Variants in ZNF367 observed in about 807,000 individuals in gnomAD.
The protein encoded by ZNF367 is zinc finger protein 367.
In ZNF367, 11 loss-of-function variants were observed where a neutral mutation model predicts 31.8. The observed-to-expected ratio is 0.35, with a 90% CI of 0.22 to 0.57. The LOEUF (loss-of-function observed/expected upper bound fraction) is 0.57. Among genes scored for constraint, ZNF367 ranks in the 20% least tolerant of loss-of-function variants. The pLI, the probability that ZNF367 is intolerant of heterozygous loss-of-function variation, is 0.85. For synonymous variants in ZNF367, 199 were observed against 202.4 expected (o/e 0.98, Z 0.14); for missense variants, 353 against 484.1 (o/e 0.73, Z 2.54).
chr9:96,390,646 G>C (rs139137542), intron 4 of ZNF367, among the ~76,000 whole-genome samples: 1 of 152,064 alleles, frequency 6.6e-6, no homozygotes, highest in African/African-American at 2.4e-5. Context: ...CAGTTTGGGA[G>C]GCCAAGGTGC....
At chr9:96,401,384 G>T (rs930931047) in intron 1 of ZNF367, among the ~76,000 whole-genome samples, 3 of 151,718 alleles carry the variant, frequency 2.0e-5, no homozygotes, top group African/African-American at 7.3e-5. Flanking sequence ...AAATTAGGCC[G>T]GGCACGTGGC....
In ZNF367 at chr9:96,388,322, C is replaced by T. The variant is rs1321865618; in HGVS notation, c.968G>A (p.Arg323Gln). 1.9e-6 allele frequency: 3 copies of T among 1,612,472 alleles called. No individual in the cohort carries two copies. The highest frequency in any genetic ancestry group is 2.2e-5 in the East Asian group (1 of 44,890). Residue 323 changes from arginine to glutamine, a missense_variant, in exon 5 of 5, where the codon CGG becomes CAG. Arg to Gln is a conservative substitution (Grantham distance 43). Coordinates refer to ENST00000375256, the MANE Select transcript of ZNF367 (RefSeq NM_153695.4). ...CAGGCGCTCCCGCTGCTCCTGCAGC[C>T]GGCGCTGGGCCCCTCTCTTCTCGTC... The part of the protein sequence containing the change: ...EDDEKRGAQR[R>Q]LQEQRERLHG...
intron 1 of ZNF367, among the ~76,000 whole-genome samples, chr9:96,415,443 A>G (rs1831808825): frequency 7.1e-6 from 1 of 140,754 alleles, no homozygotes. Flanking sequence ...AGTAATACTC[A>G]GCAATACTAT....
chr9:96,389,536 A>G (rs1267644924), intron 4 of ZNF367, among the ~76,000 whole-genome samples: 1 of 152,020 alleles, frequency 6.6e-6, no homozygotes, highest in Admixed American at 6.6e-5. Context: ...TGTGTAGTTC[A>G]GTTCACAAAG....
intron 1 of ZNF367, among the ~76,000 whole-genome samples, chr9:96,415,133 C>A (rs1236313028): frequency 6.6e-6 from 1 of 151,144 alleles, no homozygotes; most frequent in African/African-American, 2.4e-5. Context: ...CGGCTCACTG[C>A]AAGCTCCGCC....
chr9:96,396,948 T>G (rs1385856359), intron 2 of ZNF367, among the ~76,000 whole-genome samples: 1 of 152,206 alleles, frequency 6.6e-6, no homozygotes, highest in Non-Finnish European at 1.5e-5. Flanking sequence ...ATTACAGGCG[T>G]CAGCCACCGC....
chr9:96,386,501 GTC>G lies in ZNF367; in HGVS notation c.*1734_*1735del, dbSNP rs1229562440. On this transcript the variant is annotated 3_prime_UTR_variant, in exon 5 of 5. Transcript: ENST00000375256. Reference sequence around the variant, plus strand: ...AAACCAAGATAATTCAGATGCTATAGTCTCTCTTACCAGCTTATAAGTGCTCC... The same window carrying G: ...AAACCAAGATAATTCAGATGCTATAGTCTCTTACCAGCTTATAAGTGCTCC... The G allele has an allele frequency of 6.6e-6, 1 of 152,086 alleles. No homozygotes were observed. Among genetic ancestry groups the G allele is most frequent in the Non-Finnish European group, 1.5e-5 (1 of 68,002 alleles). The allele number at this position is 152,086 out of a possible 1,614,324, so 9.4% of individuals were successfully genotyped here. A position where few individuals can be genotyped will look rare whatever the true frequency, so the allele number is the denominator to read the frequency against.
intron 1 of ZNF367, among the ~76,000 whole-genome samples, chr9:96,414,636 C>T (rs1408137877): frequency 6.6e-6 from 1 of 152,122 alleles, no homozygotes; most frequent in African/African-American, 2.4e-5. Flanking sequence ...TGCCACCACA[C>T]CCAGGTAATT....
At chr9:96,392,779 G>A (rs1278265269) in intron 3 of ZNF367, among the ~76,000 whole-genome samples, 1 of 152,218 alleles carries the variant, frequency 6.6e-6, no homozygotes, top group Non-Finnish European at 1.5e-5. Context: ...TGATTTATTA[G>A]CATGAGTTCA....
chr9:96,398,430 CT>C, intron 1 of ZNF367, 116 bp from the exon 2 acceptor site: 2 of 846,008 alleles, frequency 2.4e-6, no homozygotes, highest in South Asian at 2.4e-5. Flanking sequence ...GCGGCACACA[CT>C]TATAGTCCCA....
intron 1 of ZNF367, chr9:96,407,314 C>T (rs1831683222): frequency 2.3e-5 from 36 of 1,564,070 alleles, no homozygotes; most frequent in Non-Finnish European, 2.6e-5. Context: ...TGAATTACAC[C>T]GTAAACGCTA....
At chr9:96,413,813 C>G (rs1831782825) in intron 1 of ZNF367, among the ~76,000 whole-genome samples, 1 of 152,190 alleles carries the variant, frequency 6.6e-6, no homozygotes, top group Non-Finnish European at 1.5e-5. Flanking sequence ...AGAAAGCTGA[C>G]ACAGGGTGTG....
intron 1 of ZNF367, among the ~76,000 whole-genome samples, chr9:96,412,519 C>T (rs1019822095): frequency 6.6e-6 from 1 of 152,122 alleles, no homozygotes; most frequent in Non-Finnish European, 1.5e-5. Flanking sequence ...ATACAAACTT[C>T]CCATGACTTG....
intron 4 of ZNF367, among the ~76,000 whole-genome samples, chr9:96,390,788 G>C (rs1831462882): frequency 6.6e-6 from 1 of 150,500 alleles, no homozygotes; most frequent in African/African-American, 2.5e-5. Context: ...GGGGGCTGAA[G>C]TGGGAGGATC....
At chr9:96,394,983 G>T in intron 2 of ZNF367, 41 bp from the exon 3 acceptor site, 2 of 1,608,834 alleles carry the variant, frequency 1.2e-6, no homozygotes, top group Non-Finnish European at 1.7e-6. Context: ...GAGATAATAA[G>T]GCCAGAAGAG....
In ZNF367 at chr9:96,417,475, T is replaced by G; in HGVS notation, c.420+138A>C. On this transcript the variant is annotated intron_variant, in intron 1 of 4. Coordinates refer to ENST00000375256, the MANE Select transcript of ZNF367 (RefSeq NM_153695.4). This position sits in a 1 kb window ranked among gnomAD's most constrained non-coding sequence, Gnocchi z 5.0. ...GGGGCCGGTTTTTGGCGCGCGGCAG[T>G]GACGTCAGCATCCTGTCAGCCGCAG... The G allele has an allele frequency of 4.1e-6, 1 of 243,650 alleles. No homozygotes were observed. Among genetic ancestry groups the G allele is most frequent in the East Asian group, 7.8e-5 (1 of 12,832 alleles). The allele number at this position is 243,650 out of a possible 1,614,324, so 15.1% of individuals were successfully genotyped here.
Position 96,392,582 on chromosome 9 carries a change from A to G in ZNF367, c.692-46T>C, listed in dbSNP as rs41281902. On this transcript the variant is annotated intron_variant, in intron 3 of 4. Coordinates refer to ENST00000375256, the MANE Select transcript of ZNF367 (RefSeq NM_153695.4). ...ACCTGTCAGGATCTGGACATCCAGCACATAGACATGTGGAAAACATTCAGT... is the reference window on the plus strand; with the variant it reads ...ACCTGTCAGGATCTGGACATCCAGCGCATAGACATGTGGAAAACATTCAGT... 2.1e-4 allele frequency: 321 copies of G among 1,544,512 alleles called. No individual in the cohort carries two copies. The African/African-American group carries it at 3.8e-3, about 18-fold the overall frequency.
At chr9:96,398,440 C>A in intron 1 of ZNF367, 126 bp from the exon 2 acceptor site, 1 of 758,646 alleles carries the variant, frequency 1.3e-6, no homozygotes. Flanking sequence ...CTTATAGTCC[C>A]AGCTATTTAG....
intron 1 of ZNF367, among the ~76,000 whole-genome samples, chr9:96,412,611 T>C (rs1831764413): frequency 6.6e-6 from 1 of 152,204 alleles, no homozygotes; most frequent in African/African-American, 2.4e-5. Context: ...TTCCAGTTTA[T>C]TGAATTGAGT....
Sources: gnomAD v4.1 joint callset for allele counts (sites outside exome capture counted in the v4.1 genomes callset) on GRCh38, gnomAD v4.1.1 for gene constraint, Gnocchi (gnomAD v3.1) non-coding constraint, MANE v1.5 for transcripts, NCBI Gene and HGNC (gene_info 2026-07-23, HGNC 2026-07-21) for gene names.